Variants in AQP3 observed in about 807,000 individuals in gnomAD.
AQP3 encodes aquaporin-3.
Under a neutral mutation model 30.3 loss-of-function variants are expected in AQP3, and 15 were observed. The observed-to-expected ratio is 0.49, with a 90% confidence interval of 0.33 to 0.76. The LOEUF (loss-of-function observed/expected upper bound fraction) is 0.76, where lower values mean the gene tolerates loss of function less well. Among genes scored for constraint, AQP3 ranks in the 30% least tolerant of loss-of-function variants. AQP3 has a pLI of 0.02. For synonymous variants in AQP3, 153 were observed against 163.2 expected (o/e 0.94, Z 0.47); for missense variants, 272 against 384.8 (o/e 0.71, Z 2.45).
chr9:33,447,503 G>T lies in AQP3; in HGVS notation c.28C>A (p.Arg10Ser), dbSNP rs766881900. Residue 10 changes from arginine (R) to serine (S), a missense_variant, in exon 1 of 6, where the codon CGC becomes AGC. Coordinates refer to ENST00000297991, the MANE Select transcript of AQP3 (RefSeq NM_004925.5). ...CGGATGTGGAGCATCTCCCCGCAGC[G>T]GGACACCAGCTCCTTCTGTCGACCC... MGRQKELVS[R>S]CGEMLHIRYR... The T allele has an allele frequency of 1.2e-6, 2 of 1,609,120 alleles. No homozygotes were observed. The highest frequency in any genetic ancestry group is 2.2e-5 in the East Asian group (1 of 44,728).
intron 4 of AQP3, 28 bp downstream of exon 4, chr9:33,442,824 G>A (rs376690273): frequency 1.0e-4 from 162 of 1,601,408 alleles, no homozygotes; most frequent in Non-Finnish European, 1.2e-4. Context: ...CCCTCCCTGC[G>A]TTCCCCTCAC....
chr9:33,443,478 G>A lies in AQP3; in HGVS notation c.236-20C>T. The A allele has an allele frequency of 6.2e-7, 1 of 1,609,946 alleles. No individual in the cohort carries two copies. The highest frequency in any genetic ancestry group is 8.5e-7 in the Non-Finnish European group (1 of 1,178,400). Reference sequence around the variant, plus strand: ...GGGCCCCTGGGCAGAGGGGACAAGGGACCTATTAGCTGCAGCCTGCCACAG... The same window carrying A: ...GGGCCCCTGGGCAGAGGGGACAAGGAACCTATTAGCTGCAGCCTGCCACAG... On this transcript the variant is annotated intron_variant, in intron 2 of 5. Transcript: ENST00000297991. The surrounding 1 kb of genome is among the most constrained non-coding windows in gnomAD (Gnocchi z 5.0).
chr9:33,441,692 G>T lies in AQP3; in HGVS notation c.*351C>A. ...TCCCTTCCGACTGGTCCCTTGCCCT[G>T]AATATCTGGGAACCCCCCCCACACA... is the stretch of plus-strand genomic sequence containing the variant. On this transcript the variant is annotated 3_prime_UTR_variant, in exon 6 of 6. Coordinates refer to ENST00000297991, the MANE Select transcript of AQP3 (RefSeq NM_004925.5). 1 of 405,108 alleles carries T rather than the reference G, an allele frequency of 2.5e-6. No homozygotes were observed. The highest frequency in any genetic ancestry group is 4.4e-5 in the Admixed American group (1 of 22,738). The allele number at this position is 405,108 out of a possible 1,614,324, so 25.1% of individuals were successfully genotyped here. A position where few individuals can be genotyped will look rare whatever the true frequency, so the allele number is the denominator to read the frequency against.
At chr9:33,447,292 T>A (rs1826928480) in intron 1 of AQP3, 131 bp downstream of exon 1, 2 of 809,842 alleles carry the variant, frequency 2.5e-6, no homozygotes, top group Admixed American at 4.1e-5. Context: ...TCCTCCGCGG[T>A]TAAGCGTGGG....
In AQP3 at chr9:33,441,606, T is replaced by C. The variant is rs1406229640; in HGVS notation, c.*437A>G. 6.8e-6 allele frequency: 2 copies of C among 293,274 alleles called. No homozygotes were observed. Among genetic ancestry groups the C allele is most frequent in the African/African-American group, 4.3e-5 (2 of 46,484 alleles). The allele number at this position is 293,274 out of a possible 1,614,324, so 18.2% of individuals were successfully genotyped here. Reference sequence around the variant, plus strand: ...ACATACACACCCTGGAACTTTCCTCTCCTTATGCACAGATGGACAGGCTGC... The same window carrying C: ...ACATACACACCCTGGAACTTTCCTCCCCTTATGCACAGATGGACAGGCTGC... On this transcript the variant is annotated 3_prime_UTR_variant, in exon 6 of 6. Coordinates refer to ENST00000297991, the MANE Select transcript of AQP3 (RefSeq NM_004925.5).
Position 33,442,950 on chromosome 9 carries a change from C to A in AQP3, c.394G>T (p.Asp132Tyr), listed in dbSNP as rs2231233. Residue 132 changes from aspartate (D) to tyrosine (Y), a missense_variant, in exon 4 of 6, where the codon GAC (aspartate) becomes TAC (tyrosine). Coordinates refer to ENST00000297991, the MANE Select transcript of AQP3 (RefSeq NM_004925.5). ...LYYDAIWHFA[D>Y]NQLFVSGPNG... ...GGGCCCGAAACAAAAAGCTGGTTGT[C>A]GGCGAAGTGCCAGATTGCATCTGGT... 4 of 1,614,062 alleles carry A rather than the reference C, an allele frequency of 2.5e-6. No individual in the cohort carries two copies. The African/African-American group carries it at 5.3e-5, about 22-fold the overall frequency.
chr9:33,443,770 G>A lies in AQP3; in HGVS notation c.231C>T (p.Val77=). 1 of 1,613,924 alleles carries A rather than the reference G, an allele frequency of 6.2e-7. No homozygotes were observed. Among genetic ancestry groups the A allele is most frequent in the Non-Finnish European group, 8.5e-7 (1 of 1,179,970 alleles). Residue 77 remains valine (V), a synonymous_variant, in exon 2 of 6, where the codon GTC becomes GTT. Coordinates refer to ENST00000297991, the MANE Select transcript of AQP3 (RefSeq NM_004925.5). The surrounding 1 kb of genome is among the most constrained non-coding windows in gnomAD (Gnocchi z 5.0). ...GGGGCAGGGTTAAGGCCTTACCAGA[G>A]ACCTGGCCAGCGATGAGGATGCCCA... is the stretch of plus-strand genomic sequence containing the variant. ...VTLGILIAGQ[V]SGAHLNPAVT...
Position 33,444,027 on chromosome 9 carries a change from C to T in AQP3, c.109-135G>A, listed in dbSNP as rs907947694. The T allele has an allele frequency of 1.2e-5, 14 of 1,155,448 alleles. No individual in the cohort carries two copies. In the South Asian group the frequency reaches 2.2e-4, roughly 18 times the overall value. 71.6% of individuals were successfully genotyped at this position (1,155,448 alleles called of 1,614,324 possible). On this transcript the variant is annotated intron_variant, in intron 1 of 5. Transcript: ENST00000297991. ...GCGCTTCCTGGAACCCAGCCCAAAC[C>T]CCTTCTGCTGTAATTGCACTTTCCA...
At chr9:33,445,739 G>T (rs1826904926) in intron 1 of AQP3, among the ~76,000 whole-genome samples, 1 of 152,094 alleles carries the variant, frequency 6.6e-6, no homozygotes, top group South Asian at 2.1e-4. Flanking sequence ...CTCACACCAG[G>T]TATCTCAGAG....
Position 33,443,995 on chromosome 9 carries a change from A to C in AQP3, c.109-103T>G. ...ATGCCCACTCGCCACCACTGGGAGG[A>C]CTAGAGGCGCTTCCTGGAACCCAGC... On this transcript the variant is annotated intron_variant, in intron 1 of 5. Transcript: ENST00000297991. The surrounding 1 kb of genome is among the most constrained non-coding windows in gnomAD (Gnocchi z 5.0). The C allele has an allele frequency of 1.4e-6, 2 of 1,450,576 alleles. No homozygotes were observed. The allele number at this position is 1,450,576 out of a possible 1,614,324, so 89.9% of individuals were successfully genotyped here.
At position 33,443,133 on chromosome 9, in the gene AQP3, G is replaced by T; in HGVS notation, c.374-163C>A. On this transcript the variant is annotated intron_variant, in intron 3 of 5. Coordinates refer to ENST00000297991, the MANE Select transcript of AQP3 (RefSeq NM_004925.5). The surrounding 1 kb of genome is among the most constrained non-coding windows in gnomAD (Gnocchi z 5.0). ...GCGTGGGGTGGGGTGGAGGGCCTGA[G>T]ACTCTGTTATTGCCCAACTTGTTTC... 1.8e-6 allele frequency: 2 copies of T among 1,084,932 alleles called. No individual in the cohort carries two copies. The highest frequency in any genetic ancestry group is 2.7e-6 in the Non-Finnish European group (2 of 734,866). 67.2% of individuals were successfully genotyped at this position (1,084,932 alleles called of 1,614,324 possible).
At chr9:33,447,329 G>T in intron 1 of AQP3, 94 bp downstream of exon 1, 1 of 1,174,268 alleles carries the variant, frequency 8.5e-7, no homozygotes, top group African/African-American at 1.5e-5. Flanking sequence ...GTGGGTCCAG[G>T]CTACCTTGGA....
Position 33,443,087 on chromosome 9 carries a change from T to C in AQP3, c.374-117A>G, listed in dbSNP as rs895271570. The C allele has an allele frequency of 1.8e-6, 2 of 1,123,996 alleles. No homozygotes were observed. The highest frequency in any genetic ancestry group is 2.7e-6 in the Non-Finnish European group (2 of 747,880). The allele number at this position is 1,123,996 out of a possible 1,614,324, so 69.6% of individuals were successfully genotyped here. Reference sequence around the variant, plus strand: ...ATGGGTAAGTAGCAATACTGCTGTATTGCAGCAGGCAGAGGGGGTGGCGTG... The same window carrying C: ...ATGGGTAAGTAGCAATACTGCTGTACTGCAGCAGGCAGAGGGGGTGGCGTG... On this transcript the variant is annotated intron_variant, in intron 3 of 5. Coordinates refer to ENST00000297991, the MANE Select transcript of AQP3 (RefSeq NM_004925.5). The surrounding 1 kb of genome is among the most constrained non-coding windows in gnomAD (Gnocchi z 5.0).
chr9:33,442,334 G>A lies in AQP3; in HGVS notation c.677C>T (p.Thr226Ile). The A allele has an allele frequency of 2.5e-6, 4 of 1,612,956 alleles. 1 individual carries two copies. The highest frequency in any genetic ancestry group is 2.2e-5 in the South Asian group (2 of 90,864). The change falls in exon 5 of 6, where the codon ACA becomes ATA. Residue 226 changes from threonine to isoleucine, a missense_variant. This residue lies in a region of AQP3 where 170 missense variants were observed against 286.4 expected (regional missense o/e 0.59). Coordinates refer to ENST00000297991, the MANE Select transcript of AQP3 (RefSeq NM_004925.5). Reference protein sequence around the residue: ...PARDFGPRLFTALAGWGSAVF... With the variant: ...PARDFGPRLFIALAGWGSAVF... ...TGCAGAGCCCCAGCCCGCAAGGGCT[G>A]TAAAAAGGCGGGGGCCAAAGTCCCG...
chr9:33,445,561 G>C (rs1384636479), intron 1 of AQP3, among the ~76,000 whole-genome samples: 1 of 152,142 alleles, frequency 6.6e-6, no homozygotes, highest in African/African-American at 2.4e-5. Flanking sequence ...TGCCCTGCTT[G>C]GGAGGCCCTG....
In AQP3 at chr9:33,442,520, T is replaced by G; in HGVS notation, c.493-2A>C. On this transcript the variant is annotated splice_acceptor_variant, in intron 4 of 5. Coordinates refer to ENST00000297991, the MANE Select transcript of AQP3 (RefSeq NM_004925.5). LOFTEE classifies it high-confidence loss of function. ...GATAAGGGAGGCTGTGCCTATGAACTGGGGAGTGGGGAGAACAGGGTGAGC... is the reference window on the plus strand; with the variant it reads ...GATAAGGGAGGCTGTGCCTATGAACGGGGGAGTGGGGAGAACAGGGTGAGC... The G allele has an allele frequency of 6.2e-7, 1 of 1,600,302 alleles. No individual in the cohort carries two copies.
At chr9:33,447,368 T>C in intron 1 of AQP3, 55 bp downstream of exon 1, 1 of 1,443,002 alleles carries the variant, frequency 6.9e-7, no homozygotes, top group Non-Finnish European at 9.6e-7. Context: ...GAAGTGAGAG[T>C]TTGGGGAGTG....
At position 33,443,914 on chromosome 9, in the gene AQP3, AG is replaced by A. The variant is rs1321229537; in HGVS notation, c.109-23del. 1 of 1,610,790 alleles carries A rather than the reference AG, an allele frequency of 6.2e-7. No individual in the cohort carries two copies. Among genetic ancestry groups the A allele is most frequent in the Non-Finnish European group, 8.5e-7 (1 of 1,178,116 alleles). On this transcript the variant is annotated intron_variant, in intron 1 of 5. Transcript: ENST00000297991. The surrounding 1 kb of genome is among the most constrained non-coding windows in gnomAD (Gnocchi z 5.0). Reference sequence around the variant, plus strand: ...ACATCTGTCAGGAAGAAGAACAGGCAGGGAGGGTGAGGACCAGCAACTCTCA... The same window carrying A: ...ACATCTGTCAGGAAGAAGAACAGGCAGGAGGGTGAGGACCAGCAACTCTCA...
chr9:33,447,297 C>T (rs541965037), intron 1 of AQP3, 126 bp downstream of exon 1: 2 of 833,656 alleles, frequency 2.4e-6, no homozygotes, highest in Non-Finnish European at 4.0e-6. Flanking sequence ...CGCGGTTAAG[C>T]GTGGGGGTCA....
Sources: gnomAD v4.1 joint callset for allele counts (sites outside exome capture counted in the v4.1 genomes callset) on GRCh38, gnomAD v4.1.1 for gene constraint, gnomAD v4.1.1 regional missense constraint, Gnocchi (gnomAD v3.1) non-coding constraint, MANE v1.5 for transcripts, NCBI Gene and HGNC (gene_info 2026-07-23, HGNC 2026-07-21) for gene names.